Variants in RIMS2 observed in about 807,000 individuals in gnomAD.
RIMS2 encodes the protein regulating synaptic membrane exocytosis protein 2.
RIMS2 carries 59 observed loss-of-function variants against 174.4 expected under a neutral mutation model. That is an observed-to-expected ratio of 0.34 (90% CI 0.27 to 0.42). The LOEUF is 0.42. RIMS2 is among the 10% of genes least tolerant of loss of function. The pLI is 1.00. For synonymous variants in RIMS2, 606 were observed against 572.5 expected, an observed-to-expected ratio of 1.06 and a Z score of -0.84; for missense variants, 1,620 against 1,666.3, an observed-to-expected ratio of 0.97 and a Z score of 0.48.
chr8:103,865,283 T>C (rs563864883), intron 3 of RIMS2, among the ~76,000 whole-genome samples: 3 of 124,050 alleles, frequency 2.4e-5, no homozygotes, highest in Non-Finnish European at 3.5e-5. Context: ...TCAGTTTTTT[T>C]CTTTTTTTTT....
intron 14 of RIMS2, among the ~76,000 whole-genome samples, chr8:103,944,206 C>T (rs947973385): frequency 1.4e-4 from 22 of 151,992 alleles, no homozygotes; most frequent in African/African-American, 5.3e-4. Context: ...TTCAGCCTCC[C>T]CACATAGTAA....
intron 4 of RIMS2, among the ~76,000 whole-genome samples, chr8:103,902,566 T>G (rs1017699477): frequency 2.6e-5 from 4 of 152,186 alleles, no homozygotes; most frequent in Non-Finnish European, 5.9e-5. Context: ...ATATGACCTT[T>G]TTTAGTTGGA....
At chr8:103,980,003 G>A (rs1301639729) in intron 16 of RIMS2, among the ~76,000 whole-genome samples, 1 of 152,050 alleles carries the variant, frequency 6.6e-6, no homozygotes, top group Admixed American at 6.6e-5. Context: ...AAACTGGAAA[G>A]GACACAAGGA....
At chr8:103,527,396 TA>T (rs1364858774) in intron 1 of RIMS2, among the ~76,000 whole-genome samples, 3 of 152,362 alleles carry the variant, frequency 2.0e-5, no homozygotes, top group East Asian at 1.9e-4. Context: ...TTTATTTATT[TA>T]TTTTTTTATT....
intron 3 of RIMS2, among the ~76,000 whole-genome samples, chr8:103,866,061 A>G (rs772207301): frequency 1.3e-5 from 2 of 152,156 alleles, no homozygotes; most frequent in African/African-American, 4.8e-5. Context: ...TTTATTCTGA[A>G]TTTATAAACT....
intron 19 of RIMS2, among the ~76,000 whole-genome samples, chr8:104,046,868 C>T (rs1486183039): frequency 6.6e-6 from 1 of 151,956 alleles, no homozygotes; most frequent in African/African-American, 2.4e-5. Context: ...GGGCTAGATA[C>T]TTTAAATGTT....
At chr8:104,032,446 T>G (rs2096415304) in intron 19 of RIMS2, among the ~76,000 whole-genome samples, 2 of 152,024 alleles carry the variant, frequency 1.3e-5, no homozygotes, top group African/African-American at 4.8e-5. Context: ...AAATCAGACC[T>G]TGGCAATGAC....
At chr8:103,646,322 T>C (rs550553818) in intron 1 of RIMS2, among the ~76,000 whole-genome samples, 3 of 152,238 alleles carry the variant, frequency 2.0e-5, no homozygotes, top group South Asian at 2.1e-4. Context: ...AGTTTTTTTT[T>C]AGTTAGGTGT....
intron 19 of RIMS2, among the ~76,000 whole-genome samples, chr8:104,022,192 A>G (rs1373877209): frequency 2.0e-4 from 30 of 152,206 alleles, no homozygotes; most frequent in Non-Finnish European, 2.9e-5. Context: ...AGCAGAAGTC[A>G]GGCCCGTCTC....
chr8:104,057,947 T>A (rs1324100056), intron 19 of RIMS2, among the ~76,000 whole-genome samples: 8 of 152,128 alleles, frequency 5.3e-5, no homozygotes, highest in Non-Finnish European at 1.0e-4. Context: ...ATGTGCCACA[T>A]TTTTTTAATC....
intron 19 of RIMS2, among the ~76,000 whole-genome samples, chr8:104,090,067 T>TTA (rs150424695): frequency 1.8e-4 from 27 of 149,854 alleles, no homozygotes; most frequent in South Asian, 1.7e-3. Flanking sequence ...CATATATATA[T>TTA]TATATATATA....
intron 4 of RIMS2, among the ~76,000 whole-genome samples, chr8:103,886,707 A>G (rs980135425): frequency 1.1e-4 from 16 of 151,700 alleles, no homozygotes; most frequent in Admixed American, 9.2e-4. Context: ...TGTATGGTTT[A>G]TAGATTTATA....
intron 4 of RIMS2, among the ~76,000 whole-genome samples, chr8:103,890,324 A>T (rs2099236130): frequency 6.6e-6 from 1 of 152,028 alleles, no homozygotes; most frequent in South Asian, 2.1e-4. Context: ...GTCTCACTGA[A>T]TACTGAACAC....
chr8:103,538,014 T>C (rs751003715), intron 1 of RIMS2, among the ~76,000 whole-genome samples: 46 of 152,338 alleles, frequency 3.0e-4, no homozygotes, highest in Non-Finnish European at 4.6e-4. Flanking sequence ...ATATGGAATA[T>C]GTTTACTGTA....
At chr8:103,739,273 G>A (rs1419546198) in intron 2 of RIMS2, among the ~76,000 whole-genome samples, 13 of 152,156 alleles carry the variant, frequency 8.5e-5, no homozygotes, top group South Asian at 2.1e-4. Flanking sequence ...GCAAACTATC[G>A]CAAGGACAAA....
At chr8:103,743,147 T>A (rs1010261942) in intron 2 of RIMS2, among the ~76,000 whole-genome samples, 1 of 152,228 alleles carries the variant, frequency 6.6e-6, no homozygotes, top group Non-Finnish European at 1.5e-5. Flanking sequence ...AAGAAAACTC[T>A]GCACCTTTAA....
chr8:103,875,266 C>T (rs977696717), intron 3 of RIMS2, among the ~76,000 whole-genome samples: 1 of 151,836 alleles, frequency 6.6e-6, no homozygotes, highest in Non-Finnish European at 1.5e-5. Flanking sequence ...CTCTCACTCG[C>T]ATCTCACTCT....
intron 1 of RIMS2, among the ~76,000 whole-genome samples, chr8:103,662,030 T>C (rs1424293441): frequency 1.3e-5 from 2 of 152,186 alleles, no homozygotes; most frequent in Non-Finnish European, 1.5e-5. Flanking sequence ...CTGGGCTACA[T>C]TGGAAGAAGA....
intron 19 of RIMS2, among the ~76,000 whole-genome samples, chr8:104,236,349 G>A (rs1395974240): frequency 6.6e-6 from 1 of 151,930 alleles, no homozygotes; most frequent in Non-Finnish European, 1.5e-5. Context: ...TGAATATTCT[G>A]TTCTCTAAAA....
Sources: gnomAD v4.1 joint callset for allele counts (sites outside exome capture counted in the v4.1 genomes callset) on GRCh38, gnomAD v4.1.1 for gene constraint, MANE v1.5 for transcripts, NCBI Gene and HGNC (gene_info 2026-07-23, HGNC 2026-07-21) for gene names.